Variants in PIP5K1B observed in about 807,000 individuals in gnomAD.
The protein encoded by PIP5K1B is phosphatidylinositol-4-phosphate 5-kinase type 1 beta, also known as phosphatidylinositol 4-phosphate 5-kinase type-1 beta.
PIP5K1B carries 42 observed loss-of-function variants against 67.0 expected under a neutral mutation model. The ratio of observed to expected loss-of-function variants is 0.63; its 90% CI spans 0.49 to 0.81. PIP5K1B has a LOEUF of 0.81. Ranked by LOEUF, PIP5K1B falls within the 30% of genes least tolerant of loss-of-function variation. PIP5K1B has a pLI of 0.00. For synonymous variants in PIP5K1B, 214 were observed against 231.4 expected, an observed-to-expected ratio of 0.92 and a Z score of 0.68; for missense variants, 459 against 646.3, an observed-to-expected ratio of 0.71 and a Z score of 3.14.
chr9:68,926,281 A>T (rs530509241), intron 12 of PIP5K1B, among the ~76,000 whole-genome samples: 9 of 152,164 alleles, frequency 5.9e-5, no homozygotes, highest in African/African-American at 1.9e-4. Context: ...AGGGGCATAT[A>T]AATTAATGGT....
At chr9:69,004,335 T>G (rs11403527) in intron 15 of PIP5K1B, among the ~76,000 whole-genome samples, 6 of 120,886 alleles carry the variant, frequency 5.0e-5, no homozygotes, top group East Asian at 2.8e-4. Context: ...GTGTGTGTGT[T>G]TTTGTGTGTG....
At chr9:68,888,657 T>C (rs1824609351) in intron 6 of PIP5K1B, among the ~76,000 whole-genome samples, 1 of 152,240 alleles carries the variant, frequency 6.6e-6, no homozygotes, top group East Asian at 1.9e-4. Context: ...TATGGACATT[T>C]GCTGGAAACA....
In PIP5K1B at chr9:68,940,787, A is replaced by G. The variant is rs530949124; in HGVS notation, c.1499A>G (p.Asn500Ser). 8.7e-6 allele frequency: 14 copies of G among 1,613,684 alleles called. No individual in the cohort carries two copies. The South Asian group carries it at 1.3e-4, about 15-fold the overall frequency. Residue 500 changes from asparagine (N) to serine (S), a missense_variant, in exon 14 of 16, where the codon AAC becomes AGC. Physicochemically the swap from Asn to Ser is conservative, Grantham distance 46. Transcript: ENST00000265382. ...CACGACAGGCCTACACTCTATTCAA[A>G]CAGGTAATACTTAGTGCAGTCAAAT... ...YPHDRPTLYS[N>S]SKGLPSSSTF... is the part of the protein sequence containing the mutation.
intron 14 of PIP5K1B, among the ~76,000 whole-genome samples, chr9:68,945,112 C>T: frequency 1.3e-5 from 2 of 150,758 alleles, no homozygotes. Flanking sequence ...TTCTAGCAGG[C>T]AAAGTTGTGG....
intron 12 of PIP5K1B, among the ~76,000 whole-genome samples, chr9:68,933,687 ATGCAATGTGAATG>A (rs1344130481): frequency 1.3e-5 from 2 of 152,216 alleles, no homozygotes; most frequent in Non-Finnish European, 1.5e-5. Flanking sequence ...GGTTTGAGAT[ATGCAATGTGAATG>A]TTGGATTCCA....
chr9:68,796,127 G>A (rs12000106), intron 2 of PIP5K1B, among the ~76,000 whole-genome samples: 3,271 of 152,264 alleles, frequency 0.021, 112 homozygotes, highest in African/African-American at 0.071. Context: ...ATTTCATACG[G>A]TGATAGCATC....
intron 2 of PIP5K1B, among the ~76,000 whole-genome samples, chr9:68,796,542 C>T (rs1479156472): frequency 6.6e-6 from 1 of 152,158 alleles, no homozygotes; most frequent in Non-Finnish European, 1.5e-5. Flanking sequence ...ATCTGCATTT[C>T]AGATTTTTTC....
At chr9:68,768,813 G>A (rs1830551751) in intron 2 of PIP5K1B, among the ~76,000 whole-genome samples, 1 of 152,164 alleles carries the variant, frequency 6.6e-6, no homozygotes, top group Non-Finnish European at 1.5e-5. Context: ...TCTCCAGTCT[G>A]TTAAGTGCAA....
chr9:68,963,840 ACTTCAGGTGCTTT>A (rs1828880870), intron 14 of PIP5K1B, among the ~76,000 whole-genome samples: 1 of 152,228 alleles, frequency 6.6e-6, no homozygotes, highest in Admixed American at 6.5e-5. Context: ...GGTGGTGGTG[ACTTCAGGTGCTTT>A]CTTCCTGCTC....
chr9:68,989,094 C>CAAAAAAAAAAAAAA (rs71353097), intron 14 of PIP5K1B, among the ~76,000 whole-genome samples: 2 of 55,984 alleles, frequency 3.6e-5, no homozygotes, highest in African/African-American at 7.9e-5. Context: ...GACTCCGTCT[C>CAAAAAAAAAAAAAA]AAAAAAAAAA....
At chr9:68,923,047 GT>G (rs918261248) in intron 11 of PIP5K1B, among the ~76,000 whole-genome samples, 26 of 151,952 alleles carry the variant, frequency 1.7e-4, no homozygotes, top group Admixed American at 7.2e-4. Flanking sequence ...ATGTAGCACA[GT>G]TTTTTTTGCT....
At chr9:68,710,726 AAACTAGCACTGGAATAAAC>A (rs1827348459) in intron 1 of PIP5K1B, among the ~76,000 whole-genome samples, 1 of 152,248 alleles carries the variant, frequency 6.6e-6, no homozygotes, top group South Asian at 2.1e-4. Context: ...AAGTTAAAAC[AAACTAGCACTGGAATAAAC>A]AACATGAAGT....
At chr9:68,733,433 G>A (rs1043892031) in intron 1 of PIP5K1B, among the ~76,000 whole-genome samples, 1 of 151,862 alleles carries the variant, frequency 6.6e-6, no homozygotes, top group Admixed American at 6.6e-5. Flanking sequence ...AGGGCTAACC[G>A]CAGTGCTTCC....
intron 1 of PIP5K1B, among the ~76,000 whole-genome samples, chr9:68,726,564 G>A (rs948738028): frequency 6.6e-6 from 1 of 152,182 alleles, no homozygotes; most frequent in South Asian, 2.1e-4. Flanking sequence ...ACTAAGCATG[G>A]CAGACTTGGT....
intron 4 of PIP5K1B, among the ~76,000 whole-genome samples, chr9:68,838,266 CCTT>C (rs1362216838): frequency 6.6e-6 from 1 of 151,626 alleles, no homozygotes; most frequent in East Asian, 1.9e-4. Context: ...TCATTTTTCT[CCTT>C]CTAACCAATA....
At chr9:68,915,113 T>C (rs998292212) in intron 8 of PIP5K1B, among the ~76,000 whole-genome samples, 7 of 152,186 alleles carry the variant, frequency 4.6e-5, no homozygotes, top group Admixed American at 3.3e-4. Flanking sequence ...CTATATGATA[T>C]GTAATAGTGT....
At chr9:68,896,789 G>C (rs541104541) in intron 8 of PIP5K1B, among the ~76,000 whole-genome samples, 6 of 152,306 alleles carry the variant, frequency 3.9e-5, no homozygotes, top group South Asian at 4.1e-4. Flanking sequence ...CTCAAGGAAA[G>C]CCTATTTCTG....
chr9:68,738,132 T>C (rs1237341941), intron 1 of PIP5K1B, among the ~76,000 whole-genome samples: 3 of 152,212 alleles, frequency 2.0e-5, no homozygotes, highest in African/African-American at 7.2e-5. Context: ...CCTTAGAACT[T>C]GGATAGAGAT....
chr9:68,734,658 A>C (rs1439376924), intron 1 of PIP5K1B, among the ~76,000 whole-genome samples: 1 of 152,234 alleles, frequency 6.6e-6, no homozygotes, highest in Non-Finnish European at 1.5e-5. Context: ...AATGGTCTTG[A>C]AACTCACAAG....
Sources: allele counts gnomAD v4.1 joint callset (sites outside exome capture counted in the v4.1 genomes callset), GRCh38; gene constraint gnomAD v4.1.1; transcripts MANE v1.5; gene names NCBI Gene and HGNC (gene_info 2026-07-23, HGNC 2026-07-21).